GUF1: variants seen among roughly 807,000 people sequenced by gnomAD.
GUF1 encodes the protein GTP binding elongation factor GUF1, also known as translation factor GUF1, mitochondrial.
In GUF1, 78 loss-of-function variants were observed where a neutral mutation model predicts 82.4. The ratio of observed to expected loss-of-function variants is 0.95; its 90% CI spans 0.79 to 1.14. The LOEUF (loss-of-function observed/expected upper bound fraction) is 1.14. GUF1 is among the 50% of genes most tolerant of loss of function. GUF1 has a pLI of 0.00. For synonymous variants in GUF1, 279 were observed against 282.3 expected (o/e 0.99, Z 0.12); for missense variants, 814 against 798.2 (o/e 1.02, Z -0.24).
chr4:44,678,753 C>A lies in GUF1; in HGVS notation c.131C>A (p.Ala44Asp). ...PTLGAAPESW[A>D]TDRLYSSAEF... ...CTTGGGGCTGCTCCAGAGTCCTGGG[C>A]TACCGACAGGCTCTACAGCTCCGCA... Residue 44 changes from alanine to aspartate, a missense_variant, in exon 1 of 17, where the codon GCT becomes GAT. Physicochemically the swap from Ala to Asp is moderately radical, Grantham distance 126. Transcript: ENST00000281543. 6.4e-7 allele frequency: 1 copy of A among 1,551,270 alleles called. No homozygotes were observed. Among genetic ancestry groups the A allele is most frequent in the Non-Finnish European group, 8.6e-7 (1 of 1,156,194 alleles).
chr4:44,689,662 G>C (rs7438645), intron 10 of GUF1, among the ~76,000 whole-genome samples, 181 bp from the exon 11 acceptor site: 2,612 of 151,568 alleles, frequency 0.017, 78 homozygotes, highest in African/African-American at 0.057. Context: ...ATTTAAAATA[G>C]ATTCCCAATG....
rs1304736148 is a variant in GUF1 at position 44,698,875 on chromosome 4, T to TC, written c.*196dup. The stretch of plus-strand genomic sequence containing the variant: ...ATGTTGCCTGTTCTCAAATATCTGT[T>TC]CCAACCACTCACTAGTAAGGTGACC... On this transcript the variant is annotated 3_prime_UTR_variant, in exon 17 of 17. Coordinates refer to ENST00000281543, the MANE Select transcript of GUF1 (RefSeq NM_021927.3). 1.1e-5 allele frequency: 6 copies of TC among 531,910 alleles called. No homozygotes were observed. In the African/African-American group the frequency reaches 1.2e-4, roughly 10 times the overall value. 32.9% of individuals were successfully genotyped at this position (531,910 alleles called of 1,614,324 possible). A position where few individuals can be genotyped will look rare whatever the true frequency, so the allele number is the denominator to read the frequency against.
At chr4:44,686,965 C>T (rs1199169806) in intron 8 of GUF1, among the ~76,000 whole-genome samples, 6 of 151,774 alleles carry the variant, frequency 4.0e-5, no homozygotes, top group African/African-American at 1.2e-4. Flanking sequence ...GATCCTATAT[C>T]GATGTATTTG....
chr4:44,690,728 AAAAG>A lies in GUF1; in HGVS notation c.1351_1354del (p.Glu451LeufsTer15), dbSNP rs777418091. ...TTTCTAATTTTTAGGAACATAGAGA[AAAAG>A]AAATTACAATTATCAATCCTGCACA... On this transcript the variant is annotated frameshift_variant, in exon 12 of 17. Transcript: ENST00000281543. LOFTEE classifies it high-confidence loss of function. The A allele has an allele frequency of 4.4e-5, 69 of 1,554,456 alleles. No homozygotes were observed. The highest frequency in any genetic ancestry group is 5.6e-5 in the Non-Finnish European group (64 of 1,137,048).
intron 1 of GUF1, among the ~76,000 whole-genome samples, chr4:44,679,116 A>G (rs546272873): frequency 1.3e-5 from 2 of 152,328 alleles, no homozygotes; most frequent in East Asian, 1.9e-4. Context: ...GCTAGTAAAT[A>G]TTAATATAAC....
intron 13 of GUF1, 78 bp downstream of exon 13, chr4:44,691,877 A>G: frequency 1.0e-6 from 1 of 982,496 alleles, no homozygotes; most frequent in African/African-American, 1.7e-5. Flanking sequence ...CTAATTCTTC[A>G]TTTATTTAGT....
chr4:44,681,467 T>G (rs1367277083), intron 4 of GUF1, among the ~76,000 whole-genome samples: 1 of 152,108 alleles, frequency 6.6e-6, no homozygotes, highest in Non-Finnish European at 1.5e-5. Context: ...ATATTGTCAA[T>G]GCATCTTACC....
In GUF1 at chr4:44,689,270, A is replaced by G; in HGVS notation, c.1079-16A>G. On this transcript the variant is annotated splice_polypyrimidine_tract_variant and intron_variant, in intron 9 of 16. Transcript: ENST00000281543. ...GCAGCTTATCACGTGATAATTAGAA[A>G]TCATTGTATCCCCAGGAATGTATCC... is the stretch of plus-strand genomic sequence containing the variant. 1.3e-6 allele frequency: 2 copies of G among 1,556,292 alleles called. No individual in the cohort carries two copies. Among genetic ancestry groups the G allele is most frequent in the South Asian group, 1.2e-5 (1 of 81,938 alleles).
Position 44,689,082 on chromosome 4 carries a change from T to G in GUF1, c.1079-204T>G, listed in dbSNP as rs544692940. 3.0e-4 allele frequency among the ~76,000 whole-genome samples: 46 copies of G among 151,996 alleles called. No individual in the cohort carries two copies. In the Middle Eastern group the frequency reaches 0.014, roughly 45 times the overall value. ...TATTTGGAGTGCAAATCTAGTTGTA[T>G]ATTCTTTCAGACTAATGACTTGTAA... On this transcript the variant is annotated intron_variant, in intron 9 of 16. Transcript: ENST00000281543.
At chr4:44,691,477 T>A (rs1715438586) in intron 12 of GUF1, among the ~76,000 whole-genome samples, 189 bp from the exon 13 acceptor site, 1 of 151,772 alleles carries the variant, frequency 6.6e-6, no homozygotes, top group Non-Finnish European at 1.5e-5. Flanking sequence ...GTGTTCATTT[T>A]AAAAGATAAA....
In GUF1 at chr4:44,678,527, G is replaced by C. The variant is rs113358797; in HGVS notation, c.-96G>C. ...GCTTCACAGGATCTGTTTGAGTCCT[G>C]TCCACCGGATCCTACGGGGGGTACC... On this transcript the variant is annotated 5_prime_UTR_variant, in exon 1 of 17. Coordinates refer to ENST00000281543, the MANE Select transcript of GUF1 (RefSeq NM_021927.3). 6.9e-6 allele frequency: 7 copies of C among 1,013,982 alleles called. 1 individual carries two copies. Among genetic ancestry groups the C allele is most frequent in the African/African-American group, 6.8e-5 (4 of 58,494 alleles). 62.8% of individuals were successfully genotyped at this position (1,013,982 alleles called of 1,614,324 possible). A position where few individuals can be genotyped will look rare whatever the true frequency, so the allele number is the denominator to read the frequency against.
Position 44,699,859 on chromosome 4 carries a change from G to T in GUF1, c.*1178G>T, listed in dbSNP as rs1011168402. On this transcript the variant is annotated 3_prime_UTR_variant, in exon 17 of 17. Transcript: ENST00000281543. ...ATTTGTGTAAAATGACAGGTGTTTGGTATTACCAGGAACTCATAATGACAT... is the reference window on the plus strand; with the variant it reads ...ATTTGTGTAAAATGACAGGTGTTTGTTATTACCAGGAACTCATAATGACAT... 2 of 152,136 alleles carry T rather than the reference G, an allele frequency of 1.3e-5. No homozygotes were observed. The highest frequency in any genetic ancestry group is 6.6e-5 in the Admixed American group (1 of 15,264). 9.4% of individuals were successfully genotyped at this position (152,136 alleles called of 1,614,324 possible).
intron 1 of GUF1, among the ~76,000 whole-genome samples, 182 bp downstream of exon 1, chr4:44,678,969 G>A (rs567205919): frequency 1.4e-4 from 22 of 152,340 alleles, no homozygotes; most frequent in African/African-American, 4.6e-4. Context: ...CCTCACTAGT[G>A]TGACCTTGGG....
chr4:44,685,163 A>G (rs1373785860), intron 6 of GUF1, among the ~76,000 whole-genome samples: 1 of 152,174 alleles, frequency 6.6e-6, no homozygotes, highest in Non-Finnish European at 1.5e-5. Context: ...AGAAAGTACT[A>G]CAGTCTAGAG....
chr4:44,687,004 C>T (rs1354971708), intron 8 of GUF1, among the ~76,000 whole-genome samples: 1 of 151,862 alleles, frequency 6.6e-6, no homozygotes, highest in East Asian at 1.9e-4. Flanking sequence ...TAGTTCCCTC[C>T]ACCCATATCC....
At chr4:44,697,162 C>A (rs1715878847) in intron 15 of GUF1, among the ~76,000 whole-genome samples, 1 of 152,132 alleles carries the variant, frequency 6.6e-6, no homozygotes, top group African/African-American at 2.4e-5. Context: ...CTACCACAAG[C>A]CTTGACCATT....
intron 5 of GUF1, 70 bp from the exon 6 acceptor site, chr4:44,683,165 C>A: frequency 1.0e-6 from 1 of 957,814 alleles, no homozygotes; most frequent in South Asian, 1.7e-5. Context: ...TTAATTACCT[C>A]CGAATACTGT....
chr4:44,683,864 C>A (rs1167930370), intron 6 of GUF1, among the ~76,000 whole-genome samples: 1 of 152,072 alleles, frequency 6.6e-6, no homozygotes, highest in Non-Finnish European at 1.5e-5. Flanking sequence ...CACAGCCAAA[C>A]TGCTATACTA....
chr4:44,690,153 TGAA>T (rs3830341), intron 11 of GUF1, among the ~76,000 whole-genome samples, 178 bp downstream of exon 11: 79,447 of 151,292 alleles, frequency 0.53, 22,249 homozygotes, highest in Non-Finnish European at 0.64. Flanking sequence ...TGGCTAATGA[TGAA>T]GAACTTTTTT....
Sources: gnomAD v4.1 joint callset for allele counts (sites outside exome capture counted in the v4.1 genomes callset) on GRCh38, gnomAD v4.1.1 for gene constraint, MANE v1.5 for transcripts, NCBI Gene and HGNC (gene_info 2026-07-23, HGNC 2026-07-21) for gene names.